The following DACH1 variants were observed in gnomAD, a reference collection of about 807,000 sequenced individuals.
DACH1 encodes the protein dachshund homolog 1.
Under a neutral mutation model 54.2 loss-of-function variants are expected in DACH1, and 12 were observed. That is an observed-to-expected ratio of 0.22 (90% CI 0.14 to 0.36). The LOEUF (loss-of-function observed/expected upper bound fraction) is 0.36. DACH1 is among the 10% of genes least tolerant of loss of function. The pLI, the probability that DACH1 is intolerant of heterozygous loss-of-function variation, is 1.00. For missense variants in DACH1, 805 were observed against 929.8 expected (o/e 0.87, Z 1.75); for synonymous variants, 386 against 366.2 (o/e 1.05, Z -0.62).
At chr13:71,448,826 T>TG (rs1455188221) in intron 10 of DACH1, among the ~76,000 whole-genome samples, 3 of 149,966 alleles carry the variant, frequency 2.0e-5, no homozygotes, top group East Asian at 3.9e-4. Flanking sequence ...ATTCTGTGGT[T>TG]TTTTTTTTTT....
chr13:71,475,904 G>T (rs1005786890), intron 8 of DACH1, 55 bp from the exon 9 acceptor site: 25 of 1,259,752 alleles, frequency 2.0e-5, no homozygotes, highest in Admixed American at 5.7e-5. Flanking sequence ...TCATAATGCT[G>T]CTAATTTCCA....
In DACH1 at chr13:71,766,857, CACTT is replaced by C. The variant is rs371977300; in HGVS notation, c.849-84951_849-84948del. 2.7e-4 allele frequency among the ~76,000 whole-genome samples: 41 copies of C among 151,362 alleles called. No homozygotes were observed. In the East Asian group the frequency reaches 3.9e-3, roughly 14 times the overall value. On this transcript the variant is annotated intron_variant, in intron 1 of 10. Coordinates refer to ENST00000613252, the MANE Select transcript of DACH1 (RefSeq NM_080759.6). ...AAAAGGCTTAAAAAAAAAAAGCTCT[CACTT>C]AATTAAAGGCCAAAAAAGTTTTTTT...
At chr13:71,495,508 A>G (rs1453994744) in intron 6 of DACH1, among the ~76,000 whole-genome samples, 2 of 152,130 alleles carry the variant, frequency 1.3e-5, no homozygotes, top group African/African-American at 4.8e-5. Context: ...GTTGGTGCCT[A>G]AAAAATTTTG....
At chr13:71,817,846 G>T (rs111737754) in intron 1 of DACH1, among the ~76,000 whole-genome samples, 38 of 118,204 alleles carry the variant, frequency 3.2e-4, no homozygotes, top group African/African-American at 1.1e-3. Context: ...ACAGGGTCTC[G>T]CTCTGTCACC....
At chr13:71,599,232 T>C (rs189790545) in intron 3 of DACH1, among the ~76,000 whole-genome samples, 75 of 152,276 alleles carry the variant, frequency 4.9e-4, no homozygotes, top group African/African-American at 1.8e-3. Context: ...TTTTAAATAA[T>C]TTAATACTAC....
intron 3 of DACH1, among the ~76,000 whole-genome samples, chr13:71,619,379 T>C (rs1173217944): frequency 6.6e-6 from 1 of 152,014 alleles, no homozygotes; most frequent in East Asian, 1.9e-4. Context: ...TGACAGAGAT[T>C]AGTAAAAGCA....
chr13:71,526,844 A>G (rs1882000100), intron 6 of DACH1, among the ~76,000 whole-genome samples: 1 of 151,766 alleles, frequency 6.6e-6, no homozygotes, highest in South Asian at 2.1e-4. Flanking sequence ...AATTATTGTT[A>G]GACATTTAAG....
At chr13:71,571,607 T>C (rs910518431) in intron 4 of DACH1, among the ~76,000 whole-genome samples, 1 of 152,170 alleles carries the variant, frequency 6.6e-6, no homozygotes, top group Non-Finnish European at 1.5e-5. Flanking sequence ...TTTTTTCCTC[T>C]GGTATTGATA....
intron 10 of DACH1, among the ~76,000 whole-genome samples, chr13:71,454,803 C>G (rs574088725): frequency 6.6e-6 from 1 of 152,266 alleles, no homozygotes; most frequent in South Asian, 2.1e-4. Flanking sequence ...AGCAGAAGGC[C>G]CAGCTAAGCT....
intron 1 of DACH1, among the ~76,000 whole-genome samples, chr13:71,822,959 G>A (rs1888248038): frequency 6.6e-6 from 1 of 151,954 alleles, no homozygotes; most frequent in African/African-American, 2.4e-5. Flanking sequence ...TGAACTTAGG[G>A]CTTCACAGCT....
At chr13:71,668,840 G>T (rs1181733936) in intron 2 of DACH1, among the ~76,000 whole-genome samples, 2 of 151,932 alleles carry the variant, frequency 1.3e-5, no homozygotes, top group African/African-American at 4.8e-5. Context: ...CAGGAGAATT[G>T]CTTGAACCCA....
At chr13:71,755,016 C>T (rs1332056449) in intron 1 of DACH1, among the ~76,000 whole-genome samples, 2 of 152,086 alleles carry the variant, frequency 1.3e-5, no homozygotes, top group Non-Finnish European at 2.9e-5. Flanking sequence ...TGAAAATTAA[C>T]AAGAAAAATC....
At chr13:71,646,681 T>C (rs564242449) in intron 2 of DACH1, among the ~76,000 whole-genome samples, 15 of 152,238 alleles carry the variant, frequency 9.9e-5, no homozygotes, top group Admixed American at 3.9e-4. Context: ...GTAATTCTTA[T>C]ATACCATTTA....
At chr13:71,649,449 T>A (rs1284995563) in intron 2 of DACH1, among the ~76,000 whole-genome samples, 1 of 152,072 alleles carries the variant, frequency 6.6e-6, no homozygotes, top group Non-Finnish European at 1.5e-5. Flanking sequence ...GCCCTGTAAA[T>A]GGGGCTGACA....
intron 2 of DACH1, among the ~76,000 whole-genome samples, chr13:71,651,107 A>G (rs1878633285): frequency 6.6e-6 from 1 of 152,218 alleles, no homozygotes; most frequent in South Asian, 2.1e-4. Context: ...TAAAAGACAT[A>G]CAATTGCTAT....
chr13:71,847,223 GTTTGTT>G (rs1566540288), intron 1 of DACH1, among the ~76,000 whole-genome samples: 1 of 151,806 alleles, frequency 6.6e-6, no homozygotes, highest in Non-Finnish European at 1.5e-5. Context: ...ATTTTCATTT[GTTTGTT>G]TTTATTTCTA....
chr13:71,792,753 C>T (rs1423260729), intron 1 of DACH1, among the ~76,000 whole-genome samples: 1 of 152,110 alleles, frequency 6.6e-6, no homozygotes, highest in East Asian at 1.9e-4. Context: ...CTAGCCCTAA[C>T]TTTATTTTGT....
At chr13:71,817,790 T>TTTTC (rs201822780) in intron 1 of DACH1, among the ~76,000 whole-genome samples, 8 of 150,494 alleles carry the variant, frequency 5.3e-5, no homozygotes, top group Admixed American at 2.7e-4. Context: ...CTACTAAATA[T>TTTTC]TTTCTTTCTT....
chr13:71,684,375 G>A (rs185976506), intron 1 of DACH1, among the ~76,000 whole-genome samples: 81 of 152,170 alleles, frequency 5.3e-4, no homozygotes, highest in African/African-American at 1.8e-3. Flanking sequence ...GGTCCCTGAC[G>A]GCTTTTCCAA....
Sources: gnomAD v4.1 joint callset for allele counts (sites outside exome capture counted in the v4.1 genomes callset) on GRCh38, gnomAD v4.1.1 for gene constraint, MANE v1.5 for transcripts, NCBI Gene and HGNC (gene_info 2026-07-23, HGNC 2026-07-21) for gene names.